EEA1: variants seen among roughly 807,000 people sequenced by gnomAD.
EEA1 encodes the protein early endosome antigen 1, also known as early endosome antigen 1, 162kD.
In EEA1, 111 loss-of-function variants were observed where a neutral mutation model predicts 209.2. The ratio of observed to expected loss-of-function variants is 0.53; its 90% CI spans 0.45 to 0.62. The LOEUF (loss-of-function observed/expected upper bound fraction) is 0.62, where lower values mean the gene tolerates loss of function less well. EEA1 is among the 20% of genes least tolerant of loss of function. The pLI is 0.00. For synonymous variants in EEA1, 536 were observed against 540.6 expected, an observed-to-expected ratio of 0.99 and a Z score of 0.12; for missense variants, 1,343 against 1,530.8, an observed-to-expected ratio of 0.88 and a Z score of 2.05.
At chr12:92,842,648 G>T in intron 9 of EEA1, 67 bp from the exon 10 acceptor site, 2 of 970,472 alleles carry the variant, frequency 2.1e-6, no homozygotes, top group Non-Finnish European at 3.0e-6. Context: ...AAAAATGAAA[G>T]TATATAAAGG....
At chr12:92,778,260 T>C in intron 25 of EEA1, 81 bp from the exon 26 acceptor site, 2 of 1,125,040 alleles carry the variant, frequency 1.8e-6, no homozygotes, top group Non-Finnish European at 2.6e-6. Flanking sequence ...ACATTTAAAA[T>C]ACTGGCAATT....
At position 92,891,709 on chromosome 12, in the gene EEA1, C is replaced by T. The variant is rs781342535; in HGVS notation, c.37G>A (p.Val13Ile). ...TCTAAATCAGAACCTTGAGAGCCAA[C>T]TCTCCCAGGAGTCTGGAACACAAAC... is the stretch of plus-strand genomic sequence containing the variant. ...RRILQRTPGR[V>I]GSQGSDLDSS... Residue 13 changes from valine (V) to isoleucine (I), a missense_variant, in exon 2 of 29, where the codon GTT (valine) becomes ATT (isoleucine). Val to Ile is a conservative substitution (Grantham distance 29, BLOSUM62 3). Transcript: ENST00000322349. The T allele has an allele frequency of 1.7e-5, 28 of 1,609,986 alleles. No individual in the cohort carries two copies. Among genetic ancestry groups the T allele is most frequent in the Non-Finnish European group, 2.4e-5 (28 of 1,179,028 alleles).
intron 2 of EEA1, among the ~76,000 whole-genome samples, chr12:92,870,775 C>T (rs370398980): frequency 1.3e-5 from 2 of 152,154 alleles, no homozygotes; most frequent in African/African-American, 4.8e-5. Context: ...CTCCCATGTT[C>T]AAGCGATTCT....
At chr12:92,804,149 A>C (rs1043701915) in intron 18 of EEA1, among the ~76,000 whole-genome samples, 9 of 152,224 alleles carry the variant, frequency 5.9e-5, no homozygotes, top group African/African-American at 2.2e-4. Flanking sequence ...CACTCCACCC[A>C]ATAACACAGA....
In EEA1 at chr12:92,802,567, G is replaced by C; in HGVS notation, c.2507C>G (p.Thr836Arg). 6.2e-7 allele frequency: 1 copy of C among 1,600,550 alleles called. No homozygotes were observed. Among genetic ancestry groups the C allele is most frequent in the Non-Finnish European group, 8.5e-7 (1 of 1,175,778 alleles). ...CACTTTTTGTAGTTCTGTTACTGTT[G>C]TTTGAATTCTGTTATTCAATTCCTC... ...QHEELNNRIQTTVTELQKVKM... is the reference protein window; with the variant it reads ...QHEELNNRIQRTVTELQKVKM... Residue 836 changes from threonine to arginine, a missense_variant, in exon 19 of 29, where the codon ACA becomes AGA. Transcript: ENST00000322349.
intron 2 of EEA1, among the ~76,000 whole-genome samples, chr12:92,887,947 AACAC>A (rs576408774): frequency 1.4e-4 from 22 of 152,176 alleles, no homozygotes; most frequent in African/African-American, 5.1e-4. Context: ...AGCAGGATTA[AACAC>A]ACACACACAT....
rs573791522 is a variant in EEA1, at chr12:92,831,432, T to C, written c.1254+1080A>G. ...CTAGATTTACCTACACAAAATACTTTTGTGTAGGTAAATAATGTAGTTCAA... is the reference window on the plus strand; with the variant it reads ...CTAGATTTACCTACACAAAATACTTCTGTGTAGGTAAATAATGTAGTTCAA... On this transcript the variant is annotated intron_variant, in intron 11 of 28. Coordinates refer to ENST00000322349, the MANE Select transcript of EEA1 (RefSeq NM_003566.4). Among the ~76,000 whole-genome samples the C allele has an allele frequency of 7.3e-5, 11 of 149,812 alleles. No individual in the cohort carries two copies. The South Asian group carries it at 1.7e-3, about 23-fold the overall frequency.
chr12:92,813,816 T>G (rs970198176), intron 15 of EEA1, among the ~76,000 whole-genome samples: 2 of 151,996 alleles, frequency 1.3e-5, no homozygotes, highest in Non-Finnish European at 2.9e-5. Context: ...CGATCGAGAC[T>G]ATCCTGGCCA....
At chr12:92,862,484 T>C (rs1203789483) in intron 3 of EEA1, among the ~76,000 whole-genome samples, 1 of 151,924 alleles carries the variant, frequency 6.6e-6, no homozygotes, top group Non-Finnish European at 1.5e-5. Flanking sequence ...TAGTCCCAGT[T>C]ACTTGGGAGG....
intron 5 of EEA1, among the ~76,000 whole-genome samples, chr12:92,855,577 G>C (rs1352804504): frequency 2.0e-5 from 3 of 151,336 alleles, no homozygotes; most frequent in Non-Finnish European, 4.4e-5. Context: ...ACATGTATTA[G>C]GAACAAAATA....
chr12:92,846,772 C>A (rs1287080502), intron 9 of EEA1, among the ~76,000 whole-genome samples: 1 of 152,030 alleles, frequency 6.6e-6, no homozygotes, highest in Non-Finnish European at 1.5e-5. Context: ...ATAAGGTATG[C>A]ATTCAATGAA....
intron 3 of EEA1, among the ~76,000 whole-genome samples, chr12:92,864,232 T>G (rs1878275716): frequency 6.6e-6 from 1 of 152,332 alleles, no homozygotes; most frequent in Non-Finnish European, 1.5e-5. Flanking sequence ...AGTAAGTTTT[T>G]TTTTAGGAAA....
At chr12:92,798,386 G>A (rs1874751440) in intron 21 of EEA1, among the ~76,000 whole-genome samples, 1 of 151,244 alleles carries the variant, frequency 6.6e-6, no homozygotes, top group African/African-American at 2.4e-5. Flanking sequence ...TGTCGCCCAG[G>A]CTGAAGTGCA....
At chr12:92,863,973 T>C (rs1440172740) in intron 3 of EEA1, among the ~76,000 whole-genome samples, 1 of 152,218 alleles carries the variant, frequency 6.6e-6, no homozygotes, top group Non-Finnish European at 1.5e-5. Context: ...TTTTAATGTA[T>C]TTCCTAACAA....
At chr12:92,856,454 AAT>A (rs1215107814) in intron 5 of EEA1, among the ~76,000 whole-genome samples, 9 of 152,278 alleles carry the variant, frequency 5.9e-5, no homozygotes, top group African/African-American at 2.2e-4. Context: ...AGTCATACAG[AAT>A]ATGAGTGTGT....
In EEA1 at chr12:92,929,268, A is replaced by C. The variant is rs1881340202; in HGVS notation, c.-202T>G. 213 of 345,068 alleles carry C rather than the reference A, an allele frequency of 6.2e-4. No individual in the cohort carries two copies. The highest frequency in any genetic ancestry group is 1.5e-3 in the East Asian group (26 of 16,946). The allele number at this position is 345,068 out of a possible 1,614,324, so 21.4% of individuals were successfully genotyped here. On this transcript the variant is annotated 5_prime_UTR_variant, in exon 1 of 29. Coordinates refer to ENST00000322349, the MANE Select transcript of EEA1 (RefSeq NM_003566.4). ...GGGAGCACGCGAGAGAGAGCGAGCG[A>C]ACGACTAGGCAGCCTGCGAGCGCCT...
chr12:92,809,618 C>T (rs1477653380), intron 17 of EEA1, among the ~76,000 whole-genome samples: 1 of 150,776 alleles, frequency 6.6e-6, no homozygotes, highest in Non-Finnish European at 1.5e-5. Flanking sequence ...CGGCTTGAAC[C>T]TGGGAGGCAG....
chr12:92,875,952 C>T lies in EEA1; in HGVS notation c.118-10965G>A, dbSNP rs549334201. On this transcript the variant is annotated intron_variant, in intron 2 of 28. Transcript: ENST00000322349. ...CTCCTTCAGTTCTTTTTGTGTTATC[C>T]CCTCCTCAGAGAAGTCTTCCCTGAT... is the stretch of plus-strand genomic sequence containing the variant. Among the ~76,000 whole-genome samples, 54 of 152,192 alleles carry T rather than the reference C, an allele frequency of 3.5e-4. 2 individuals carry two copies. In the South Asian group the frequency reaches 0.011, roughly 32 times the overall value.
At chr12:92,798,810 T>C in intron 21 of EEA1, 82 bp downstream of exon 21, 1 of 1,054,008 alleles carries the variant, frequency 9.5e-7, no homozygotes, top group Non-Finnish European at 1.3e-6. Flanking sequence ...TGTTGCAACT[T>C]ATCCATCTGT....
Sources: allele counts gnomAD v4.1 joint callset (sites outside exome capture counted in the v4.1 genomes callset), GRCh38; gene constraint gnomAD v4.1.1; transcripts MANE v1.5; gene names NCBI Gene and HGNC (gene_info 2026-07-23, HGNC 2026-07-21).